Variants in DLG1 observed in about 807,000 individuals in gnomAD.
DLG1 encodes discs large MAGUK scaffold protein 1.
DLG1 carries 42 observed loss-of-function variants against 123.4 expected under a neutral mutation model. The observed-to-expected ratio is 0.34, with a 90% CI of 0.27 to 0.44. The LOEUF is 0.44. Among genes scored for constraint, DLG1 ranks in the 20% least tolerant of loss-of-function variants. DLG1 has a pLI of 1.00. For missense variants in DLG1, 942 were observed against 1,082.6 expected, an observed-to-expected ratio of 0.87 and a Z score of 1.82; for synonymous variants, 317 against 356.2, an observed-to-expected ratio of 0.89 and a Z score of 1.24.
chr3:197,166,122 A>C (rs1801269997), intron 5 of DLG1, among the ~76,000 whole-genome samples: 2 of 152,164 alleles, frequency 1.3e-5, no homozygotes, highest in South Asian at 4.1e-4. Context: ...TGTGGTTGGA[A>C]CCCAAGTGAG....
At chr3:197,077,876 T>A (rs1212415305) in intron 17 of DLG1, among the ~76,000 whole-genome samples, 12 of 152,186 alleles carry the variant, frequency 7.9e-5, no homozygotes. Context: ...AAGGGAAAAA[T>A]ATAAAGAATA....
At chr3:197,079,181 C>T (rs1749277019) in intron 17 of DLG1, among the ~76,000 whole-genome samples, 1 of 152,076 alleles carries the variant, frequency 6.6e-6, no homozygotes, top group South Asian at 2.1e-4. Context: ...GTCATTAATG[C>T]TATATCGCAA....
chr3:197,084,434 C>T (rs1753017104), intron 16 of DLG1, among the ~76,000 whole-genome samples: 1 of 151,812 alleles, frequency 6.6e-6, no homozygotes, highest in African/African-American at 2.4e-5. Flanking sequence ...GCCTCAGCCT[C>T]CCAAGTAGCT....
intron 10 of DLG1, 81 bp downstream of exon 10, chr3:197,136,461 G>T: frequency 8.6e-7 from 1 of 1,161,262 alleles, no homozygotes; most frequent in Non-Finnish European, 1.2e-6. Context: ...GACCTTTTTG[G>T]TATGGAGAAA....
chr3:197,241,411 TACTC>T (rs1748776576), intron 4 of DLG1, among the ~76,000 whole-genome samples: 1 of 151,960 alleles, frequency 6.6e-6, no homozygotes, highest in Admixed American at 6.6e-5. Flanking sequence ...TAAAAGGAAT[TACTC>T]AATCTGGAAG....
intron 23 of DLG1, among the ~76,000 whole-genome samples, chr3:197,053,774 T>TTA (rs1553867223): frequency 2.1e-5 from 2 of 97,316 alleles, no homozygotes; most frequent in Non-Finnish European, 4.1e-5. Flanking sequence ...CCCTGTCTCA[T>TTA]AAAAAAAAAA....
intron 13 of DLG1, among the ~76,000 whole-genome samples, chr3:197,107,688 T>C (rs571167193): frequency 6.6e-6 from 1 of 152,222 alleles, no homozygotes; most frequent in Non-Finnish European, 1.5e-5. Flanking sequence ...CCTGCAAATT[T>C]AACTGAACTC....
At chr3:197,192,826 T>C (rs1052495630) in intron 5 of DLG1, among the ~76,000 whole-genome samples, 2 of 152,076 alleles carry the variant, frequency 1.3e-5, no homozygotes, top group Non-Finnish European at 2.9e-5. Flanking sequence ...ATCTTTGAAA[T>C]TGACACTTTT....
At chr3:197,296,300 G>A in intron 3 of DLG1, 46 bp downstream of exon 3, 1 of 1,561,404 alleles carries the variant, frequency 6.4e-7, no homozygotes, top group Non-Finnish European at 8.8e-7. Context: ...ATTGAGAGGA[G>A]CATAAAGCCT....
intron 18 of DLG1, chr3:197,070,564 C>CCTTTTTTTTTTTTTT (rs1491200833): frequency 2.2e-5 from 1 of 44,924 alleles, no homozygotes; most frequent in South Asian, 7.2e-4. Context: ...CTGGAAATTT[C>CCTTTTTTTTTTTTTT]ATTTTTTTTT....
At chr3:197,218,604 A>G (rs1393809871) in intron 4 of DLG1, among the ~76,000 whole-genome samples, 2 of 152,212 alleles carry the variant, frequency 1.3e-5, no homozygotes, top group Non-Finnish European at 2.9e-5. Flanking sequence ...GCAATCAGGA[A>G]CTATAACTTC....
intron 4 of DLG1, among the ~76,000 whole-genome samples, chr3:197,264,633 G>C (rs566559535): frequency 6.6e-6 from 1 of 152,182 alleles, no homozygotes; most frequent in East Asian, 1.9e-4. Flanking sequence ...TGACATGTTG[G>C]CCAGGCTGGT....
intron 19 of DLG1, among the ~76,000 whole-genome samples, chr3:197,067,820 G>T (rs1301280257): frequency 1.3e-5 from 2 of 152,164 alleles, no homozygotes; most frequent in African/African-American, 4.8e-5. Context: ...GCCTCCCAAA[G>T]TGCTGGGATT....
chr3:197,088,107 A>G (rs1755483213), intron 15 of DLG1, among the ~76,000 whole-genome samples: 1 of 152,182 alleles, frequency 6.6e-6, no homozygotes, highest in South Asian at 2.1e-4. Flanking sequence ...GAGAAAATTT[A>G]AGAGCCAATT....
At chr3:197,073,001 T>G (rs1745033165) in intron 18 of DLG1, among the ~76,000 whole-genome samples, 1 of 152,166 alleles carries the variant, frequency 6.6e-6, no homozygotes, top group African/African-American at 2.4e-5. Flanking sequence ...CCAGCCTGTT[T>G]ATGATGTTTG....
chr3:197,130,418 A>G, intron 11 of DLG1, 109 bp downstream of exon 11: 1 of 1,012,530 alleles, frequency 9.9e-7, no homozygotes. Context: ...TGTTTCTTTA[A>G]AAATATTTGC....
intron 5 of DLG1, among the ~76,000 whole-genome samples, chr3:197,180,346 G>C (rs1809546666): frequency 6.6e-6 from 1 of 152,088 alleles, no homozygotes; most frequent in African/African-American, 2.4e-5. Flanking sequence ...ATTGGAACAG[G>C]ACTGTGTATG....
Position 197,134,834 on chromosome 3 carries a change from C to A in DLG1, c.1020+1708G>T, listed in dbSNP as rs139099249. On this transcript the variant is annotated intron_variant, in intron 10 of 24. Transcript: ENST00000667157. ...CCATGGAGTATAGGAGCTGGCTTCCCTAGAAACTGCGCCCAGGGGAGTTGG... is the reference window on the plus strand; with the variant it reads ...CCATGGAGTATAGGAGCTGGCTTCCATAGAAACTGCGCCCAGGGGAGTTGG... Among the ~76,000 whole-genome samples, 891 of 152,328 alleles carry A rather than the reference C, an allele frequency of 5.8e-3. 10 individuals are homozygous for A. Among genetic ancestry groups the A allele is most frequent in the African/African-American group, 0.02 (831 of 41,566 alleles).
intron 14 of DLG1, among the ~76,000 whole-genome samples, chr3:197,099,342 A>T (rs1762258776): frequency 6.6e-6 from 1 of 152,180 alleles, no homozygotes; most frequent in African/African-American, 2.4e-5. Flanking sequence ...TAACCACTAC[A>T]CCTATTTTCT....
Sources: allele counts gnomAD v4.1 joint callset (sites outside exome capture counted in the v4.1 genomes callset), GRCh38; gene constraint gnomAD v4.1.1; transcripts MANE v1.5; gene names NCBI Gene and HGNC (gene_info 2026-07-23, HGNC 2026-07-21).